The following KIAA0753 variants were observed in gnomAD, a reference collection of about 807,000 sequenced individuals.
KIAA0753 encodes protein moonraker.
A neutral mutation model predicts 116.9 loss-of-function variants in KIAA0753; 114 were observed. That is an observed-to-expected ratio of 0.98 (90% confidence interval 0.84 to 1.14). The LOEUF (loss-of-function observed/expected upper bound fraction) is 1.14. Among genes scored for constraint, KIAA0753 ranks in the 50% most tolerant of loss-of-function variants. The pLI is 0.00. For synonymous variants in KIAA0753, 405 were observed against 413.1 expected (o/e 0.98, Z 0.24); for missense variants, 1,156 against 1,172.4 (o/e 0.99, Z 0.20).
At chr17:6,634,206 G>A (rs9914024) in intron 2 of KIAA0753, among the ~76,000 whole-genome samples, 57,467 of 150,948 alleles carry the variant, frequency 0.38, 11,172 homozygotes, top group Non-Finnish European at 0.43. Flanking sequence ...AGGTTCAAGC[G>A]ATTCTCCTGC....
At chr17:6,616,929 C>T (rs1477533287) in intron 7 of KIAA0753, among the ~76,000 whole-genome samples, 1 of 152,150 alleles carries the variant, frequency 6.6e-6, no homozygotes, top group South Asian at 2.1e-4. Flanking sequence ...AAGTTTCCCC[C>T]CTTTGCCTCC....
chr17:6,591,772 CA>C lies in KIAA0753; in HGVS notation c.2441-1143del, dbSNP rs1156610844. Among the ~76,000 whole-genome samples, 60 of 152,232 alleles carry C rather than the reference CA, an allele frequency of 3.9e-4. 2 individuals carry two copies. The highest frequency in any genetic ancestry group is 3.9e-3 in the Admixed American group (60 of 15,288). On this transcript the variant is annotated intron_variant, in intron 16 of 18. Coordinates refer to ENST00000361413, the MANE Select transcript of KIAA0753 (RefSeq NM_014804.3). ...ACCATCAGGGAAACGAATTGCCCTC[CA>C]ACGTTTACCTCTCCTCGGCTTCCAC...
At chr17:6,591,265 T>C (rs911338518) in intron 16 of KIAA0753, among the ~76,000 whole-genome samples, 2 of 152,258 alleles carry the variant, frequency 1.3e-5, no homozygotes, top group Non-Finnish European at 2.9e-5. Flanking sequence ...ATTTTAAATG[T>C]ATTTCAAGTG....
chr17:6,606,915 T>C lies in KIAA0753; in HGVS notation c.1967A>G (p.Asn656Ser), dbSNP rs1597516081. 6.2e-7 allele frequency: 1 copy of C among 1,614,144 alleles called. No homozygotes were observed. Among genetic ancestry groups the C allele is most frequent in the Middle Eastern group, 1.6e-4 (1 of 6,062 alleles). Residue 656 changes from asparagine to serine, a missense_variant, in exon 12 of 19, where the codon AAT (asparagine) becomes AGT (serine). Coordinates refer to ENST00000361413, the MANE Select transcript of KIAA0753 (RefSeq NM_014804.3). ...ATACATTTCTTCAGCTTTGAGCTCA[T>C]TCAGTTCCTTTGTTCTTCTAGAAGT... Reference protein sequence around the residue: ...AETSRRTKELNELKAEEMYRL... With the variant: ...AETSRRTKELSELKAEEMYRL...
At chr17:6,590,029 G>A in intron 17 of KIAA0753, 26 bp from the exon 18 acceptor site, 1 of 1,481,240 alleles carries the variant, frequency 6.8e-7, no homozygotes, top group South Asian at 1.3e-5. Context: ...AATGATGAAA[G>A]CATTCAAGAT....
chr17:6,619,099 C>T (rs1029332486), intron 7 of KIAA0753, among the ~76,000 whole-genome samples: 2 of 151,938 alleles, frequency 1.3e-5, no homozygotes, highest in Non-Finnish European at 2.9e-5. Flanking sequence ...CGTGGTGGCA[C>T]GCACCTGTAA....
At chr17:6,626,482 G>T (rs1971672553) in intron 3 of KIAA0753, among the ~76,000 whole-genome samples, 1 of 152,120 alleles carries the variant, frequency 6.6e-6, no homozygotes, top group African/African-American at 2.4e-5. Context: ...GCATGGTAGG[G>T]GAAAATCCGG....
intron 7 of KIAA0753, among the ~76,000 whole-genome samples, chr17:6,618,710 A>G (rs1454007754): frequency 1.3e-5 from 2 of 152,254 alleles, no homozygotes; most frequent in Non-Finnish European, 2.9e-5. Flanking sequence ...GTTCCACAGA[A>G]TAGTGGCAGA....
At chr17:6,631,887 TTA>T (rs1431666313) in intron 2 of KIAA0753, among the ~76,000 whole-genome samples, 3 of 151,924 alleles carry the variant, frequency 2.0e-5, no homozygotes, top group Non-Finnish European at 4.4e-5. Flanking sequence ...GGAGTATCTT[TTA>T]TTTATTTATT....
intron 13 of KIAA0753, among the ~76,000 whole-genome samples, chr17:6,599,775 TGTTTAGG>T (rs1197869624): frequency 2.0e-5 from 3 of 152,244 alleles, no homozygotes; most frequent in Admixed American, 6.5e-5. Context: ...TTCAGTGGCC[TGTTTAGG>T]GACCCCGAAT....
intron 7 of KIAA0753, among the ~76,000 whole-genome samples, chr17:6,612,995 A>T (rs1970656769): frequency 6.6e-6 from 1 of 152,216 alleles, no homozygotes; most frequent in Non-Finnish European, 1.5e-5. Context: ...TTCAACCTGC[A>T]ATGGGAAAGG....
intron 7 of KIAA0753, among the ~76,000 whole-genome samples, chr17:6,614,988 G>A (rs887645139): frequency 2.0e-5 from 3 of 151,968 alleles, no homozygotes; most frequent in East Asian, 1.9e-4. Context: ...TAGTAGAGAC[G>A]GGGTTTCACC....
At chr17:6,627,823 G>T (rs946037579) in intron 3 of KIAA0753, among the ~76,000 whole-genome samples, 1 of 152,218 alleles carries the variant, frequency 6.6e-6, no homozygotes, top group African/African-American at 2.4e-5. Flanking sequence ...AAGACCTAAG[G>T]TTCAGCCAAC....
intron 16 of KIAA0753, among the ~76,000 whole-genome samples, chr17:6,592,787 C>G (rs1220516935): frequency 6.6e-6 from 1 of 152,072 alleles, no homozygotes; most frequent in Non-Finnish European, 1.5e-5. Flanking sequence ...AAAGCAAAAA[C>G]CACTCAAGAA....
At position 6,612,992 on chromosome 17, in the gene KIAA0753, T is replaced by G. The variant is rs541593358; in HGVS notation, c.1316-844A>C. Among the ~76,000 whole-genome samples, 8 of 152,186 alleles carry G rather than the reference T, an allele frequency of 5.3e-5. No individual in the cohort carries two copies. In the South Asian group the frequency reaches 1.7e-3, roughly 32 times the overall value. On this transcript the variant is annotated intron_variant, in intron 7 of 18. Coordinates refer to ENST00000361413, the MANE Select transcript of KIAA0753 (RefSeq NM_014804.3). ...TGAACTCCATATAAGACATTCAACC[T>G]GCAATGGGAAAGGAAATAAAGCTGT...
intron 7 of KIAA0753, among the ~76,000 whole-genome samples, chr17:6,613,425 A>C (rs1970682436): frequency 6.6e-6 from 1 of 152,260 alleles, no homozygotes; most frequent in Non-Finnish European, 1.5e-5. Context: ...AGTTGATCCA[A>C]AATTCATACA....
At chr17:6,625,726 T>A (rs978777501) in intron 3 of KIAA0753, among the ~76,000 whole-genome samples, 5 of 152,234 alleles carry the variant, frequency 3.3e-5, no homozygotes, top group African/African-American at 1.2e-4. Flanking sequence ...ATTGTAAACA[T>A]TTTTTTCTTT....
chr17:6,589,045 GC>G (rs1166862749), intron 18 of KIAA0753, among the ~76,000 whole-genome samples: 1 of 152,176 alleles, frequency 6.6e-6, no homozygotes, highest in Admixed American at 6.5e-5. Flanking sequence ...AGCATTAACA[GC>G]AACAGGAAAT....
intron 18 of KIAA0753, among the ~76,000 whole-genome samples, chr17:6,585,572 TTCTTG>T (rs1253908630): frequency 1.3e-5 from 2 of 152,210 alleles, no homozygotes; most frequent in African/African-American, 4.8e-5. Context: ...ATTATCTAGC[TTCTTG>T]TCTTTTTATT....
Sources: gnomAD v4.1 joint callset for allele counts (sites outside exome capture counted in the v4.1 genomes callset) on GRCh38, gnomAD v4.1.1 for gene constraint, MANE v1.5 for transcripts, NCBI Gene and HGNC (gene_info 2026-07-23, HGNC 2026-07-21) for gene names.